The following SCN1A variants were observed in gnomAD, a reference collection of about 807,000 sequenced individuals.
SCN1A encodes sodium voltage-gated channel alpha subunit 1.
A neutral mutation model predicts 193.7 loss-of-function variants in SCN1A; 13 were observed. That is an observed-to-expected ratio of 0.07 (90% confidence interval 0.04 to 0.11). The LOEUF is 0.11. Ranked by LOEUF, SCN1A falls within the 10% of genes least tolerant of loss-of-function variation. SCN1A has a pLI of 1.00. For missense variants in SCN1A, 1,432 were observed against 2,451.1 expected, an observed-to-expected ratio of 0.58 and a Z score of 8.78; for synonymous variants, 781 against 843.6, an observed-to-expected ratio of 0.93 and a Z score of 1.29.
rs948256829 is a variant in SCN1A at position 165,991,059 on chromosome 2, C to T, written c.*186G>A. On this transcript the variant is annotated 3_prime_UTR_variant, in exon 29 of 29. Coordinates refer to ENST00000674923, the MANE Select transcript of SCN1A (RefSeq NM_001165963.4). Reference sequence around the variant, plus strand: ...GTAACCTCCTGTCAAGGTCATCTCCCCTTTACACAGAGTCACAGTTTGCTG... The same window carrying T: ...GTAACCTCCTGTCAAGGTCATCTCCTCTTTACACAGAGTCACAGTTTGCTG... 1.3e-5 allele frequency: 8 copies of T among 598,768 alleles called. No individual in the cohort carries two copies. The African/African-American group carries it at 1.5e-4, about 11-fold the overall frequency. The allele number at this position is 598,768 out of a possible 1,614,324, so 37.1% of individuals were successfully genotyped here.
At chr2:166,097,878 G>T (rs994849943) in intron 2 of SCN1A, among the ~76,000 whole-genome samples, 19 of 152,254 alleles carry the variant, frequency 1.2e-4, no homozygotes, top group Middle Eastern at 6.8e-3. Flanking sequence ...ATCACACCTA[G>T]CCTCTATTTG....
rs1559091799 is a variant in SCN1A at position 165,989,063 on chromosome 2, TGTGTGCGC to T, written c.*2174_*2181del. On this transcript the variant is annotated 3_prime_UTR_variant, in exon 29 of 29. Transcript: ENST00000674923. Reference sequence around the variant, plus strand: ...GTGTGTGTGTGTGTGTGTGTGTGTGTGTGTGCGCGCGCGCTCCCCTTCTCCCCCAATTT... The same window carrying T: ...GTGTGTGTGTGTGTGTGTGTGTGTGTGCGCGCTCCCCTTCTCCCCCAATTT... 1 of 58,556 alleles carries T rather than the reference TGTGTGCGC, an allele frequency of 1.7e-5. No individual in the cohort carries two copies. The highest frequency in any genetic ancestry group is 4.4e-5 in the Non-Finnish European group (1 of 22,770). The allele number at this position is 58,556 out of a possible 1,614,324, so 3.6% of individuals were successfully genotyped here.
intron 9 of SCN1A, among the ~76,000 whole-genome samples, chr2:166,050,613 G>GTATA (rs368513344): frequency 0.034 from 2,224 of 65,276 alleles, 156 homozygotes; most frequent in Middle Eastern, 0.076. Context: ...ATTAAAAAAA[G>GTATA]TATATATATA....
chr2:166,083,968 C>G (rs1025213167), intron 2 of SCN1A, among the ~76,000 whole-genome samples: 4 of 152,040 alleles, frequency 2.6e-5, no homozygotes, highest in African/African-American at 7.2e-5. Context: ...AAGTCTAATC[C>G]TCGTGACTGT....
chr2:165,995,471 C>A (rs1431938932), intron 27 of SCN1A, among the ~76,000 whole-genome samples: 1 of 151,782 alleles, frequency 6.6e-6, no homozygotes, highest in African/African-American at 2.4e-5. Flanking sequence ...ACCCTGACTT[C>A]TGCAGACATT....
chr2:166,077,940 T>C (rs888742571), intron 2 of SCN1A, 139 bp from the exon 3 acceptor site: 1 of 151,850 alleles, frequency 6.6e-6, no homozygotes, highest in African/African-American at 2.4e-5. Flanking sequence ...TAAATACATA[T>C]TACTAATTGA....
chr2:166,094,425 G>A (rs1687156677), intron 2 of SCN1A, among the ~76,000 whole-genome samples: 1 of 152,088 alleles, frequency 6.6e-6, no homozygotes, highest in African/African-American at 2.4e-5. Flanking sequence ...ATATTAAATT[G>A]AGTCAAATTT....
At chr2:166,145,995 T>C (rs957357651) in intron 1 of SCN1A, among the ~76,000 whole-genome samples, 3 of 152,094 alleles carry the variant, frequency 2.0e-5, no homozygotes, top group African/African-American at 7.2e-5. Context: ...AGGGAGAAAA[T>C]GCGGGTAGAA....
intron 2 of SCN1A, among the ~76,000 whole-genome samples, chr2:166,078,069 A>G (rs1430654099): frequency 6.6e-6 from 1 of 151,892 alleles, no homozygotes. Context: ...AATACTTTGC[A>G]TGACACTGTA....
In SCN1A at chr2:165,990,944, C is replaced by T. The variant is rs1689044655; in HGVS notation, c.*301G>A. ...GTTTCATGTTAAACAACCCCAAAAT[C>T]ACAGGTTTGCACCCCTTGAAACTGG... On this transcript the variant is annotated 3_prime_UTR_variant, in exon 29 of 29. Coordinates refer to ENST00000674923, the MANE Select transcript of SCN1A (RefSeq NM_001165963.4). 3.9e-5 allele frequency: 13 copies of T among 331,800 alleles called. No individual in the cohort carries two copies. In the South Asian group the frequency reaches 6.1e-4, roughly 16 times the overall value. The allele number at this position is 331,800 out of a possible 1,614,324, so 20.6% of individuals were successfully genotyped here.
At chr2:166,141,028 C>A (rs996154298) in intron 1 of SCN1A, among the ~76,000 whole-genome samples, 6 of 152,026 alleles carry the variant, frequency 3.9e-5, no homozygotes, top group Non-Finnish European at 7.3e-5. Flanking sequence ...TTTGAGAAGC[C>A]CTGGCTGTCA....
chr2:165,999,479 ATATT>A (rs1690528470), intron 25 of SCN1A, among the ~76,000 whole-genome samples: 1 of 151,558 alleles, frequency 6.6e-6, no homozygotes. Context: ...TAAAAGGAAA[ATATT>A]TGTTAGTTAC....
upstream of SCN1A, among the ~76,000 whole-genome samples, chr2:166,129,786 T>C (rs75666818): frequency 0.041 from 6,268 of 152,246 alleles, 299 homozygotes; most frequent in African/African-American, 0.11. Flanking sequence ...GAATTCTAAT[T>C]GCATATTATA....
intron 19 of SCN1A, among the ~76,000 whole-genome samples, chr2:166,034,068 A>G (rs1696007558): frequency 6.6e-6 from 1 of 151,586 alleles, no homozygotes; most frequent in African/African-American, 2.4e-5. Flanking sequence ...TATCCAAATT[A>G]AAATTTCTGT....
At chr2:166,015,862 T>C in intron 19 of SCN1A, 135 bp from the exon 20 acceptor site, 1 of 911,170 alleles carries the variant, frequency 1.1e-6, no homozygotes. Flanking sequence ...AAAGAGAGAT[T>C]GAATAAGGGG....
chr2:166,101,108 C>G (rs1228170210), intron 2 of SCN1A, among the ~76,000 whole-genome samples: 1 of 135,344 alleles, frequency 7.4e-6, no homozygotes, highest in African/African-American at 2.8e-5. Flanking sequence ...TGGAACCAAC[C>G]CAAATGTCCA....
chr2:166,049,421 T>C (rs1698273602), intron 9 of SCN1A, among the ~76,000 whole-genome samples: 1 of 150,658 alleles, frequency 6.6e-6, no homozygotes, highest in African/African-American at 2.4e-5. Flanking sequence ...CTCTCGCCTA[T>C]ATTTTTAACA....
At chr2:166,001,609 A>G (rs1690859775) in intron 24 of SCN1A, among the ~76,000 whole-genome samples, 1 of 151,698 alleles carries the variant, frequency 6.6e-6, no homozygotes, top group South Asian at 2.1e-4. Flanking sequence ...TTTTCAAATA[A>G]TCTGGACTCT....
chr2:166,117,091 T>C (rs1170146260), intron 2 of SCN1A, among the ~76,000 whole-genome samples: 2 of 152,312 alleles, frequency 1.3e-5, no homozygotes, highest in Non-Finnish European at 2.9e-5. Flanking sequence ...ACAACAAATA[T>C]TGTCAAATGT....
Sources: allele counts gnomAD v4.1 joint callset (sites outside exome capture counted in the v4.1 genomes callset), GRCh38; gene constraint gnomAD v4.1.1; transcripts MANE v1.5; gene names NCBI Gene and HGNC (gene_info 2026-07-23, HGNC 2026-07-21).